Variants in CYP2D6 observed in about 807,000 individuals in gnomAD.
CYP2D6 encodes cytochrome P450 family 2 subfamily D member 6 (gene/pseudogene).
CYP2D6 carries 51 observed loss-of-function variants against 43.5 expected under a neutral mutation model. The ratio of observed to expected loss-of-function variants is 1.17; its 90% CI spans 0.94 to 1.48. CYP2D6 has a LOEUF of 1.48. Among genes scored for constraint, CYP2D6 ranks in the 40% most tolerant of loss-of-function variants. The probability of loss-of-function intolerance (pLI) is 0.00; values close to 1 mark genes in which losing one functional copy is unlikely to be tolerated. For missense variants in CYP2D6, 698 were observed against 688.0 expected (o/e 1.01, Z -0.16); for synonymous variants, 346 against 297.1 (o/e 1.16, Z -1.69).
At chr22:42,128,967 A>C in intron 3 of CYP2D6, 23 bp from the exon 4 acceptor site, 2 of 1,582,932 alleles carry the variant, frequency 1.3e-6, no homozygotes, top group Non-Finnish European at 1.7e-6. Context: ...GATGCGGGTA[A>C]GGGGTCGCCT....
chr22:42,129,797 G>A lies in CYP2D6; in HGVS notation c.293C>T (p.Thr98Ile), dbSNP rs373766657. 44 of 1,606,880 alleles carry A rather than the reference G, an allele frequency of 2.7e-5. 1 individual carries two copies. Among genetic ancestry groups the A allele is most frequent in the Middle Eastern group, 1.6e-4 (1 of 6,068 alleles). ...REALVTHGED[T>I]ADRPPVPITQ... ...GATGGGCACAGGCGGGCGGTCGGCG[G>A]TGTCCTCGCCGTGGGTCACCAGCGC... Residue 98 changes from threonine (T) to isoleucine (I), a missense_variant, in exon 2 of 9, where the codon ACC (threonine) becomes ATC (isoleucine). Transcript: ENST00000645361.
chr22:42,129,462 C>A, intron 2 of CYP2D6: 2 of 726,416 alleles, frequency 2.8e-6, no homozygotes, highest in Non-Finnish European at 4.8e-6. Flanking sequence ...GCGGTCCCCG[C>A]CCCCCACTTC....
At position 42,126,618 on chromosome 22, in the gene CYP2D6, G is replaced by A; in HGVS notation, c.1450C>T (p.Leu484=). Residue 484 remains leucine, a synonymous_variant, in exon 9 of 9, where the codon CTG becomes TTG. Coordinates refer to ENST00000645361, the MANE Select transcript of CYP2D6 (RefSeq NM_000106.6). ...RPSHHGVFAF[L]VSPSPYELCA... ...AGCTCATAGGGGGATGGGCTCACCAGGAAAGCAAAGACACCATGGTGGCTG... is the reference window on the plus strand; with the variant it reads ...AGCTCATAGGGGGATGGGCTCACCAAGAAAGCAAAGACACCATGGTGGCTG... The A allele has an allele frequency of 3.1e-6, 5 of 1,608,180 alleles. No homozygotes were observed. In the South Asian group the frequency reaches 3.3e-5, roughly 11 times the overall value.
rs376909251 is a variant in CYP2D6, at chr22:42,127,435, C to T, written c.1173+12G>A. 1.2e-4 allele frequency: 185 copies of T among 1,597,932 alleles called. 4 individuals carry two copies. In the East Asian group the frequency reaches 1.2e-3, roughly 11 times the overall value. On this transcript the variant is annotated intron_variant, in intron 7 of 8. Transcript: ENST00000645361. Reference sequence around the variant, plus strand: ...TGGTGCTGAGCTGGGGTGAGGAGGGCGCCAGGCCTACCTTAGGGATGCGGA... The same window carrying T: ...TGGTGCTGAGCTGGGGTGAGGAGGGTGCCAGGCCTACCTTAGGGATGCGGA...
In CYP2D6 at chr22:42,128,711, C is replaced by G. The variant is rs112568578; in HGVS notation, c.666+73G>C. The G allele has an allele frequency of 5.5e-5, 83 of 1,517,108 alleles. 1 individual carries two copies. The highest frequency in any genetic ancestry group is 5.9e-5 in the South Asian group (5 of 84,270). 94.0% of individuals were successfully genotyped at this position (1,517,108 alleles called of 1,614,324 possible). ...CCCATCTATGCAAATCCTGCTCTTC[C>G]GAGGCCCCAGTCCAGCCCCGGCACC... is the stretch of plus-strand genomic sequence containing the variant. On this transcript the variant is annotated intron_variant, in intron 4 of 8. Coordinates refer to ENST00000645361, the MANE Select transcript of CYP2D6 (RefSeq NM_000106.6).
At position 42,127,657 on chromosome 22, in the gene CYP2D6, A is replaced by C. The variant is rs768563075; in HGVS notation, c.986-23T>G. The C allele has an allele frequency of 8.7e-6, 14 of 1,608,084 alleles. No homozygotes were observed. In the Admixed American group the frequency reaches 1.3e-4, roughly 15 times the overall value. ...GGCCTGGACAGACATGCGTCCCCAC[A>C]ATGGGTCAGCACCCAGGGGGTCCGG... is the stretch of plus-strand genomic sequence containing the variant. On this transcript the variant is annotated intron_variant, in intron 6 of 8. Transcript: ENST00000645361.
At position 42,128,154 on chromosome 22, in the gene CYP2D6, A is replaced by G. The variant is rs764713786; in HGVS notation, c.843+20T>C. On this transcript the variant is annotated intron_variant, in intron 5 of 8. Coordinates refer to ENST00000645361, the MANE Select transcript of CYP2D6 (RefSeq NM_000106.6). ...GCTCAACCCACCACCCTTGCCCCCC[A>G]CCGTGGCAGCCACTCTCACCTTCTC... 6.3e-7 allele frequency: 1 copy of G among 1,592,046 alleles called. No individual in the cohort carries two copies. Among genetic ancestry groups the G allele is most frequent in the South Asian group, 1.1e-5 (1 of 88,744 alleles).
chr22:42,129,534 G>A (rs1931671253), intron 2 of CYP2D6: 1 of 779,942 alleles, frequency 1.3e-6, no homozygotes, highest in Non-Finnish European at 2.1e-6. Context: ...CCAGGTCTCG[G>A]CAGTGGCCCC....
At chr22:42,130,283 G>A in intron 1 of CYP2D6, 1 of 524,812 alleles carries the variant, frequency 1.9e-6, no homozygotes, top group Non-Finnish European at 3.3e-6. Context: ...ACGGCACTCA[G>A]GACTAACTCA....
Position 42,127,906 on chromosome 22 carries a change from C to T in CYP2D6, c.921G>A (p.Met307Ile), listed in dbSNP as rs758475046. The change falls in exon 6 of 9, where the codon ATG (methionine) becomes ATA (isoleucine). Residue 307 changes from methionine to isoleucine, a missense_variant. Physicochemically the swap from Met to Ile is conservative, Grantham distance 10. Transcript: ENST00000645361. ...AGGCCAGCGTGGTCGAGGTGGTCAC[C>T]ATCCCGGCAGAGAACAGGTCAGCCA... ...IVVADLFSAG[M>I]VTTSTTLAWG... 1 of 1,611,166 alleles carries T rather than the reference C, an allele frequency of 6.2e-7. No individual in the cohort carries two copies. Among genetic ancestry groups the T allele is most frequent in the East Asian group, 2.2e-5 (1 of 44,760 alleles).
At chr22:42,130,274 C>T (rs1157274156) in intron 1 of CYP2D6, 4 of 518,040 alleles carry the variant, frequency 7.7e-6, no homozygotes, top group East Asian at 3.0e-5. Flanking sequence ...GTGATTTAAA[C>T]GGCACTCAGG....
chr22:42,130,338 C>T (rs1931880590), intron 1 of CYP2D6: 2 of 567,982 alleles, frequency 3.5e-6, no homozygotes, highest in Admixed American at 6.3e-5. Context: ...GCAGAAGGGA[C>T]TTTGTACTCC....
intron 4 of CYP2D6, among the ~76,000 whole-genome samples, chr22:42,128,565 T>A (rs1931381612): frequency 6.7e-6 from 1 of 150,322 alleles, no homozygotes; most frequent in South Asian, 2.1e-4. Flanking sequence ...AGGTACAGAG[T>A]CCTTGGCCTC....
chr22:42,129,651 C>T lies in CYP2D6; in HGVS notation c.352+87G>A, dbSNP rs1931701766. 17 of 1,554,558 alleles carry T rather than the reference C, an allele frequency of 1.1e-5. 1 individual carries two copies. The South Asian group carries it at 1.5e-4, about 13-fold the overall frequency. On this transcript the variant is annotated intron_variant, in intron 2 of 8. Transcript: ENST00000645361. ...TCGCTGGCCTGTTTCATGTCCACGACCCCGCGCCCTCTCTGCCCAGCTCGG... is the reference window on the plus strand; with the variant it reads ...TCGCTGGCCTGTTTCATGTCCACGATCCCGCGCCCTCTCTGCCCAGCTCGG...
Position 42,128,739 on chromosome 22 carries a change from T to G in CYP2D6, c.666+45A>C, listed in dbSNP as rs769592766. On this transcript the variant is annotated intron_variant, in intron 4 of 8. Transcript: ENST00000645361. The stretch of plus-strand genomic sequence containing the variant: ...GGCCCCAGTCCAGCCCCGGCACCTC[T>G]CGGGAGCTCGCCCTGCAGAGACTCC... 1.1e-5 allele frequency: 18 copies of G among 1,583,928 alleles called. 1 individual carries two copies. In the East Asian group the frequency reaches 2.8e-4, roughly 24 times the overall value.
In CYP2D6 at chr22:42,127,857, G is replaced by A. The variant is rs775904145; in HGVS notation, c.970C>T (p.His324Tyr). Reference protein sequence around the residue: ...LAWGLLLMILHPDVQRRVQQE... With the variant: ...LAWGLLLMILYPDVQRRVQQE... ...ATGGGCTCACGCTGCACATCCGGAT[G>A]TAGGATCATGAGCAGGAGGCCCCAG... The change falls in exon 6 of 9, where the codon CAT (histidine) becomes TAT (tyrosine). Residue 324 changes from histidine (H) to tyrosine (Y), a missense_variant. Physicochemically the swap from His to Tyr is moderately conservative, Grantham distance 83. Transcript: ENST00000645361. The A allele has an allele frequency of 2.5e-6, 4 of 1,611,054 alleles. No homozygotes were observed. Among genetic ancestry groups the A allele is most frequent in the Middle Eastern group, 1.7e-4 (1 of 6,052 alleles).
chr22:42,130,612 C>T lies in CYP2D6; in HGVS notation c.180G>A (p.Gln60=), dbSNP rs2146943593. 6.3e-7 allele frequency: 1 copy of T among 1,598,466 alleles called. No individual in the cohort carries two copies. The highest frequency in any genetic ancestry group is 8.5e-7 in the Non-Finnish European group (1 of 1,172,288). The part of the protein sequence containing the change: ...DFQNTPYCFD[Q]LRRRFGDVFS... ...CGCCCTCCAGGACCTCCTCCCTCAC[C>T]TGGTCGAAGCAGTATGGTGTGTTCT... The change falls in exon 1 of 9, where the codon CAG becomes CAA. Residue 60 remains glutamine (Q), a splice_region_variant and synonymous_variant. Coordinates refer to ENST00000645361, the MANE Select transcript of CYP2D6 (RefSeq NM_000106.6).
intron 1 of CYP2D6, chr22:42,130,186 C>T (rs575159870): frequency 1.2e-4 from 62 of 515,462 alleles, no homozygotes; most frequent in South Asian, 1.1e-3. Flanking sequence ...TGGTCCATGC[C>T]GGTGAGCAGT....
chr22:42,127,800 C>G (rs1246288790), intron 6 of CYP2D6, 42 bp downstream of exon 6: 25 of 1,606,288 alleles, frequency 1.6e-5, no homozygotes, highest in Non-Finnish European at 2.6e-6. Flanking sequence ...CGCCTGTACC[C>G]TTCCTCCCTC....
Sources: allele counts gnomAD v4.1 joint callset (sites outside exome capture counted in the v4.1 genomes callset), GRCh38; gene constraint gnomAD v4.1.1; transcripts MANE v1.5; gene names NCBI Gene and HGNC (gene_info 2026-07-23, HGNC 2026-07-21).